The following NTRK2 variants were observed in gnomAD, a reference collection of about 807,000 sequenced individuals.
The protein encoded by NTRK2 is BDNF/NT-3 growth factors receptor.
In NTRK2, 13 loss-of-function variants were observed where a neutral mutation model predicts 94.5. The observed-to-expected ratio is 0.14, with a 90% confidence interval of 0.09 to 0.22. The LOEUF (loss-of-function observed/expected upper bound fraction) is 0.22. Among genes scored for constraint, NTRK2 ranks in the 10% least tolerant of loss-of-function variants. The pLI is 1.00. For missense variants in NTRK2, 639 were observed against 1,071.2 expected, an observed-to-expected ratio of 0.60 and a Z score of 5.63; for synonymous variants, 372 against 407.4, an observed-to-expected ratio of 0.91 and a Z score of 1.05.
At chr9:84,951,478 A>C (rs1006446) in intron 16 of NTRK2, among the ~76,000 whole-genome samples, 124,124 of 152,194 alleles carry the variant, frequency 0.82, 50,802 homozygotes, top group South Asian at 0.86. Flanking sequence ...CATAAGAAAT[A>C]CAAATGTGCT....
In NTRK2 at chr9:85,025,596, C is replaced by T. The variant is rs2118118252; in HGVS notation, c.*4159C>T. On this transcript the variant is annotated 3_prime_UTR_variant, in exon 19 of 19. Coordinates refer to ENST00000277120, the MANE Select transcript of NTRK2 (RefSeq NM_006180.6). Reference sequence around the variant, plus strand: ...TGAATCTTTCTTTTCACAAATTGGACTGCCTGTAATACCAATAACATTGTT... The same window carrying T: ...TGAATCTTTCTTTTCACAAATTGGATTGCCTGTAATACCAATAACATTGTT... 1 of 233,244 alleles carries T rather than the reference C, an allele frequency of 4.3e-6. No homozygotes were observed. The allele number at this position is 233,244 out of a possible 1,614,324, so 14.4% of individuals were successfully genotyped here. A position where few individuals can be genotyped will look rare whatever the true frequency, so the allele number is the denominator to read the frequency against.
chr9:84,906,860 G>C (rs541599964), intron 14 of NTRK2, among the ~76,000 whole-genome samples: 1 of 152,288 alleles, frequency 6.6e-6, no homozygotes, highest in Non-Finnish European at 1.5e-5. Flanking sequence ...TGTAAGTTGT[G>C]TGTATCAATA....
At chr9:85,006,193 G>A (rs1181757907) in intron 17 of NTRK2, among the ~76,000 whole-genome samples, 2 of 152,184 alleles carry the variant, frequency 1.3e-5, no homozygotes, top group Non-Finnish European at 2.9e-5. Flanking sequence ...CTTATCTGTT[G>A]TAATGCAAAT....
intron 12 of NTRK2, among the ~76,000 whole-genome samples, chr9:84,784,769 G>T (rs1182770646): frequency 6.6e-6 from 1 of 152,082 alleles, no homozygotes; most frequent in Non-Finnish European, 1.5e-5. Flanking sequence ...ATTAATGTTG[G>T]TCAACTAATT....
chr9:84,903,600 G>A (rs572933917), intron 14 of NTRK2, among the ~76,000 whole-genome samples: 18 of 152,292 alleles, frequency 1.2e-4, no homozygotes, highest in Admixed American at 9.2e-4. Context: ...TGTGTTCTTG[G>A]AAGGCAGAAA....
At chr9:84,688,306 G>A (rs2059840883) in intron 2 of NTRK2, among the ~76,000 whole-genome samples, 1 of 152,216 alleles carries the variant, frequency 6.6e-6, no homozygotes, top group African/African-American at 2.4e-5. Flanking sequence ...CCTTTGCATT[G>A]TGGACCTGGC....
chr9:84,684,673 A>C (rs1300045602), intron 2 of NTRK2, among the ~76,000 whole-genome samples: 2 of 152,228 alleles, frequency 1.3e-5, no homozygotes, highest in African/African-American at 2.4e-5. Flanking sequence ...TTGTTATCAA[A>C]CCTTTTGTCC....
intron 17 of NTRK2, among the ~76,000 whole-genome samples, chr9:85,008,585 G>A (rs1831224985): frequency 6.6e-6 from 1 of 152,154 alleles, no homozygotes; most frequent in African/African-American, 2.4e-5. Flanking sequence ...AACCTCAGAG[G>A]TAAGACGTAA....
At chr9:84,865,869 C>T (rs972335215) in intron 13 of NTRK2, among the ~76,000 whole-genome samples, 11 of 152,208 alleles carry the variant, frequency 7.2e-5, no homozygotes, top group Non-Finnish European at 1.5e-4. Flanking sequence ...CTGTCATGAG[C>T]CACTGCCGTC....
chr9:84,979,966 C>A (rs1827378372), intron 17 of NTRK2, among the ~76,000 whole-genome samples: 1 of 152,158 alleles, frequency 6.6e-6, no homozygotes, highest in Non-Finnish European at 1.5e-5. Context: ...CTATTGCATA[C>A]ATAATAAACC....
At chr9:84,702,529 T>A in intron 4 of NTRK2, 110 bp downstream of exon 4, 1 of 928,150 alleles carries the variant, frequency 1.1e-6, no homozygotes, top group Non-Finnish European at 1.8e-6. Flanking sequence ...TTAAAGTTAG[T>A]ATAGCTGTGA....
At position 84,744,549 on chromosome 9, in the gene NTRK2, T is replaced by G. The variant is rs150284511; in HGVS notation, c.1196-424T>G. ...CTTGCCTTCACCTGGTCATGTAACTTTCCTCCACTGATATTCTTCAGCTGT... is the reference window on the plus strand; with the variant it reads ...CTTGCCTTCACCTGGTCATGTAACTGTCCTCCACTGATATTCTTCAGCTGT... On this transcript the variant is annotated intron_variant, in intron 10 of 18. Coordinates refer to ENST00000277120, the MANE Select transcript of NTRK2 (RefSeq NM_006180.6). Among the ~76,000 whole-genome samples the G allele has an allele frequency of 3.0e-4, 46 of 152,236 alleles. No homozygotes were observed. In the East Asian group the frequency reaches 7.5e-3, roughly 25 times the overall value.
At chr9:84,726,337 A>G (rs1011529168) in intron 8 of NTRK2, among the ~76,000 whole-genome samples, 13 of 152,164 alleles carry the variant, frequency 8.5e-5, no homozygotes, top group African/African-American at 2.9e-4. Context: ...AAATACTAAT[A>G]TTAGCCGGTC....
chr9:84,937,761 A>G (rs1169357549), intron 15 of NTRK2, among the ~76,000 whole-genome samples: 1 of 152,238 alleles, frequency 6.6e-6, no homozygotes, highest in Non-Finnish European at 1.5e-5. Flanking sequence ...AAGTAAGTCA[A>G]TTGCCAAGGA....
rs575039594 is a variant in NTRK2 at position 84,980,017 on chromosome 9, C to T, written c.2172+24500C>T. On this transcript the variant is annotated intron_variant, in intron 17 of 18. Coordinates refer to ENST00000277120, the MANE Select transcript of NTRK2 (RefSeq NM_006180.6). ...CAGAACTTGTGTAAGCACGGGAAAA[C>T]AAAAAAAATTGTGTGACCCCATTTA... Among the ~76,000 whole-genome samples the T allele has an allele frequency of 3.3e-5, 5 of 151,974 alleles. No individual in the cohort carries two copies. The South Asian group carries it at 1.0e-3, about 32-fold the overall frequency.
chr9:84,750,630 T>C (rs2064504679), intron 11 of NTRK2, among the ~76,000 whole-genome samples: 1 of 152,220 alleles, frequency 6.6e-6, no homozygotes, highest in Admixed American at 6.5e-5. Flanking sequence ...ATATCATCAT[T>C]GGCTGCTTTC....
intron 14 of NTRK2, among the ~76,000 whole-genome samples, chr9:84,880,522 T>C (rs1037347391): frequency 1.3e-5 from 2 of 152,344 alleles, no homozygotes; most frequent in Admixed American, 6.5e-5. Context: ...AACTGGCTAA[T>C]TGAATGGAGT....
intron 12 of NTRK2, among the ~76,000 whole-genome samples, chr9:84,819,894 A>G (rs938066788): frequency 6.6e-6 from 1 of 152,090 alleles, no homozygotes; most frequent in Admixed American, 6.5e-5. Context: ...GTGGCCCTAC[A>G]ATATATCTCT....
chr9:84,873,190 C>T, intron 14 of NTRK2: 2 of 1,062,592 alleles, frequency 1.9e-6, no homozygotes, highest in Non-Finnish European at 2.3e-6. Flanking sequence ...TTAGCGCTTC[C>T]TTCTGTACTT....
Sources: gnomAD v4.1 joint callset for allele counts (sites outside exome capture counted in the v4.1 genomes callset) on GRCh38, gnomAD v4.1.1 for gene constraint, MANE v1.5 for transcripts, NCBI Gene and HGNC (gene_info 2026-07-23, HGNC 2026-07-21) for gene names.